Variants in VSIG10L observed in about 807,000 individuals in gnomAD.
The protein encoded by VSIG10L is V-set and immunoglobulin domain-containing protein 10-like.
Under a neutral mutation model 67.3 loss-of-function variants are expected in VSIG10L, and 63 were observed. That is an observed-to-expected ratio of 0.94 (90% CI 0.76 to 1.15). The LOEUF (loss-of-function observed/expected upper bound fraction) is 1.15, where lower values mean the gene tolerates loss of function less well. VSIG10L is among the 50% of genes most tolerant of loss of function. The pLI, the probability that VSIG10L is intolerant of heterozygous loss-of-function variation, is 0.00. For synonymous variants in VSIG10L, 499 were observed against 524.9 expected (o/e 0.95, Z 0.67); for missense variants, 1,050 against 1,177.5 (o/e 0.89, Z 1.58).
At chr19:51,338,775 G>T in intron 5 of VSIG10L, 113 bp downstream of exon 5, 1 of 1,190,530 alleles carries the variant, frequency 8.4e-7, no homozygotes, top group South Asian at 3.2e-5. Flanking sequence ...GTGAAGTCCT[G>T]CCTCTTTCTT....
rs573609316 is a variant in VSIG10L, at chr19:51,336,885, G to A, written c.2305+353C>T. Among the ~76,000 whole-genome samples the A allele has an allele frequency of 2.7e-5, 4 of 148,786 alleles. No individual in the cohort carries two copies. In the East Asian group the frequency reaches 8.3e-4, roughly 31 times the overall value. On this transcript the variant is annotated intron_variant, in intron 7 of 9. Coordinates refer to ENST00000335624, the MANE Select transcript of VSIG10L (RefSeq NM_001163922.3). ...GGGTTCGCGCCATTCTCCTGCCTCA[G>A]CCTCCCCAGTAGCTGGGACTACAGG...
Position 51,340,184 on chromosome 19 carries a change from G to T in VSIG10L, c.1305C>A (p.Pro435=). ...CCGCCAGGCTCCACGTGATGTCGGC[G>T]GGCGGCCGCGAGGCGGCGGCGCAGC... ...TLRCAAASRP[P]ADITWSLADP... is the part of the protein sequence containing the mutation. The change falls in exon 4 of 10, where the codon CCC becomes CCA. Residue 435 remains proline (P), a synonymous_variant. Transcript: ENST00000335624. This position sits in a 1 kb window ranked among gnomAD's most constrained non-coding sequence, Gnocchi z 6.3. The T allele has an allele frequency of 6.9e-7, 1 of 1,442,218 alleles. No individual in the cohort carries two copies. The allele number at this position is 1,442,218 out of a possible 1,614,324, so 89.3% of individuals were successfully genotyped here.
At chr19:51,333,617 T>C (rs1274092329) in intron 9 of VSIG10L, among the ~76,000 whole-genome samples, 174 bp downstream of exon 9, 1 of 152,124 alleles carries the variant, frequency 6.6e-6, no homozygotes, top group African/African-American at 2.4e-5. Flanking sequence ...TACATCAAAG[T>C]TGGGCGGGAA....
In VSIG10L at chr19:51,338,266, C is replaced by G. The variant is rs987590929; in HGVS notation, c.1730-58G>C. 1.0e-5 allele frequency: 15 copies of G among 1,439,870 alleles called. No individual in the cohort carries two copies. The African/African-American group carries it at 1.7e-4, about 17-fold the overall frequency. The allele number at this position is 1,439,870 out of a possible 1,614,324, so 89.2% of individuals were successfully genotyped here. On this transcript the variant is annotated intron_variant, in intron 5 of 9. Transcript: ENST00000335624. ...AAGACCTTACCTTGGATTCAAAGAA[C>G]AGATCCTATGCCCTACTTTAAATCA...
chr19:51,334,274 C>T lies in VSIG10L; in HGVS notation c.2336G>A (p.Gly779Asp), dbSNP rs1985429879. ...GCCCAGCAGGGAGCCCAGGACGATG[C>T]CAGCGATGGCCCCATGGCTCAACGT... ...GPTLSHGAIA[G>D]IVLGSLLGLA... The change falls in exon 8 of 10, where the codon GGC (glycine) becomes GAC (aspartate). Residue 779 changes from glycine to aspartate, a missense_variant. This residue lies in a region of VSIG10L where 529 missense variants were observed against 584.9 expected (regional missense o/e 0.90). Coordinates refer to ENST00000335624, the MANE Select transcript of VSIG10L (RefSeq NM_001163922.3). 6.4e-7 allele frequency: 1 copy of T among 1,551,660 alleles called. No homozygotes were observed. Among genetic ancestry groups the T allele is most frequent in the Middle Eastern group, 1.7e-4 (1 of 5,990 alleles).
chr19:51,342,053 C>T lies in VSIG10L; in HGVS notation c.40+32G>A. ...CATTGGGGGAGGCTGCTGAGGGAGACTGACAGGGAAGGGACTGAGCAGGGA... is the reference window on the plus strand; with the variant it reads ...CATTGGGGGAGGCTGCTGAGGGAGATTGACAGGGAAGGGACTGAGCAGGGA... On this transcript the variant is annotated intron_variant, in intron 1 of 9. Transcript: ENST00000335624. This position sits in a 1 kb window ranked among gnomAD's most constrained non-coding sequence, Gnocchi z 4.4. 3 of 1,551,732 alleles carry T rather than the reference C, an allele frequency of 1.9e-6. No individual in the cohort carries two copies. The highest frequency in any genetic ancestry group is 1.4e-5 in the African/African-American group (1 of 73,142).
rs920381936 is a variant in VSIG10L, at chr19:51,338,964, G to A, written c.1653C>T (p.His551=). The A allele has an allele frequency of 1.4e-6, 2 of 1,430,524 alleles. No homozygotes were observed. The highest frequency in any genetic ancestry group is 3.0e-5 in the East Asian group (1 of 33,212). 88.6% of individuals were successfully genotyped at this position (1,430,524 alleles called of 1,614,324 possible). ...SSVLLAAVPA[H]PRLSGVPITC... ...TGATGGGGACGCCGCTGAGCCGGGG[G>A]TGGGCGGGGACGGCCGCCAGCAGCA... The change falls in exon 5 of 10, where the codon CAC becomes CAT. Residue 551 remains histidine (H), a synonymous_variant. Transcript: ENST00000335624.
At position 51,339,160 on chromosome 19, in the gene VSIG10L, A is replaced by G; in HGVS notation, c.1475-18T>C. On this transcript the variant is annotated intron_variant, in intron 4 of 9. Transcript: ENST00000335624. The stretch of plus-strand genomic sequence containing the variant: ...GGGCAGGTCTGCGGAGAGAAGGGAG[A>G]GAATGAAGATGGAGTCCCTTTCTCA... The G allele has an allele frequency of 7.8e-7, 1 of 1,280,098 alleles. No individual in the cohort carries two copies. The highest frequency in any genetic ancestry group is 1.0e-6 in the Non-Finnish European group (1 of 1,004,626). The allele number at this position is 1,280,098 out of a possible 1,614,324, so 79.3% of individuals were successfully genotyped here.
chr19:51,337,550 G>A lies in VSIG10L; in HGVS notation c.2009-16C>T, dbSNP rs2123553480. On this transcript the variant is annotated splice_polypyrimidine_tract_variant and intron_variant, in intron 6 of 9. Coordinates refer to ENST00000335624, the MANE Select transcript of VSIG10L (RefSeq NM_001163922.3). ...ATGGAGGGTCCTAGAGGGATGTGGG[G>A]GTGGCTGGATTCTTGGGTGCCAGAG... 1.3e-6 allele frequency: 2 copies of A among 1,501,758 alleles called. No individual in the cohort carries two copies. Among genetic ancestry groups the A allele is most frequent in the Non-Finnish European group, 1.8e-6 (2 of 1,115,258 alleles). The allele number at this position is 1,501,758 out of a possible 1,614,324, so 93.0% of individuals were successfully genotyped here.
chr19:51,332,734 C>A, intron 9 of VSIG10L, 94 bp from the exon 10 acceptor site: 1 of 1,257,248 alleles, frequency 8.0e-7, no homozygotes, highest in Non-Finnish European at 1.1e-6. Context: ...CTTGCTTGAA[C>A]TTTTTAGAGA....
In VSIG10L at chr19:51,334,300, G is replaced by A; in HGVS notation, c.2310C>T (p.Pro770=). Reference sequence around the variant, plus strand: ...CAGCGATGGCCCCATGGCTCAACGTGGGGCCTGGAAGAGACAAAGAGAAGA... The same window carrying A: ...CAGCGATGGCCCCATGGCTCAACGTAGGGCCTGGAAGAGACAAAGAGAAGA... ...PSQSRVYRAG[P]TLSHGAIAGI... Residue 770 remains proline (P), a synonymous_variant, in exon 8 of 10, where the codon CCC becomes CCT. Coordinates refer to ENST00000335624, the MANE Select transcript of VSIG10L (RefSeq NM_001163922.3). 1 of 1,551,484 alleles carries A rather than the reference G, an allele frequency of 6.4e-7. No individual in the cohort carries two copies. Among genetic ancestry groups the A allele is most frequent in the Non-Finnish European group, 8.7e-7 (1 of 1,146,870 alleles).
intron 9 of VSIG10L, among the ~76,000 whole-genome samples, 152 bp from the exon 10 acceptor site, chr19:51,332,792 A>G (rs1485763300): frequency 6.6e-6 from 1 of 152,188 alleles, no homozygotes; most frequent in Non-Finnish European, 1.5e-5. Flanking sequence ...ATGCCTGGCT[A>G]TCCTTGGTGG....
rs1002082188 is a variant in VSIG10L, at chr19:51,332,062, G to A, written c.*549C>T. 6.3e-6 allele frequency: 1 copy of A among 158,166 alleles called. No individual in the cohort carries two copies. Among genetic ancestry groups the A allele is most frequent in the African/African-American group, 2.4e-5 (1 of 41,510 alleles). The allele number at this position is 158,166 out of a possible 1,614,324, so 9.8% of individuals were successfully genotyped here. Reference sequence around the variant, plus strand: ...GGGGGCAGAGAAAGAATTGGGAGGGGAGGTCAGGGAGGCCAACAGAGGCCA... The same window carrying A: ...GGGGGCAGAGAAAGAATTGGGAGGGAAGGTCAGGGAGGCCAACAGAGGCCA... On this transcript the variant is annotated 3_prime_UTR_variant, in exon 10 of 10. Coordinates refer to ENST00000335624, the MANE Select transcript of VSIG10L (RefSeq NM_001163922.3).
At chr19:51,337,607 C>T in intron 6 of VSIG10L, 73 bp from the exon 7 acceptor site, 1 of 991,602 alleles carries the variant, frequency 1.0e-6, no homozygotes, top group Non-Finnish European at 1.3e-6. Flanking sequence ...GGGCTGGGCT[C>T]CTGGGTCTGA....
At chr19:51,334,847 A>AAGG (rs57147493) in intron 7 of VSIG10L, among the ~76,000 whole-genome samples, 2 of 13,250 alleles carry the variant, frequency 1.5e-4, no homozygotes, top group African/African-American at 6.3e-3. Flanking sequence ...AGACTGAGGC[A>AAGG]AGATCACCTG....
At chr19:51,339,895 T>G in intron 4 of VSIG10L, 120 bp downstream of exon 4, 10 of 714,480 alleles carry the variant, frequency 1.4e-5, no homozygotes, top group African/African-American at 2.0e-5. Flanking sequence ...CCGCTGGCCC[T>G]GCCCCACCCA....
chr19:51,338,899 G>T lies in VSIG10L; in HGVS notation c.1718C>A (p.Thr573Lys). The change falls in exon 5 of 10, where the codon ACA becomes AAA. Residue 573 changes from threonine (T) to lysine (K), a missense_variant. Physicochemically the swap from Thr to Lys is moderately conservative, Grantham distance 78 (BLOSUM62 -1). Coordinates refer to ENST00000335624, the MANE Select transcript of VSIG10L (RefSeq NM_001163922.3). ...CCGCGCCCTCTCACCCGGCGTGACT[G>T]TGCAGGTACGCGTGGCCACCAGGTG... is the stretch of plus-strand genomic sequence containing the variant. ...ARHLVATRTC[T>K]VTPEAPREVL... The T allele has an allele frequency of 7.0e-7, 1 of 1,434,386 alleles. No homozygotes were observed. The highest frequency in any genetic ancestry group is 1.4e-5 in the South Asian group (1 of 69,502). 88.9% of individuals were successfully genotyped at this position (1,434,386 alleles called of 1,614,324 possible).
At chr19:51,341,052 C>T (rs1050810093) in intron 2 of VSIG10L, 101 bp downstream of exon 2, 1 of 1,414,938 alleles carries the variant, frequency 7.1e-7, no homozygotes, top group Non-Finnish European at 9.3e-7. Context: ...CAGAAGTCCT[C>T]TTCTCCTATC....
Position 51,334,296 on chromosome 19 carries a change from A to G in VSIG10L, c.2314T>C (p.Leu772=). Residue 772 remains leucine, a synonymous_variant, in exon 8 of 10, where the codon TTG becomes CTG. Coordinates refer to ENST00000335624, the MANE Select transcript of VSIG10L (RefSeq NM_001163922.3). ...QSRVYRAGPT[L]SHGAIAGIVL... is the part of the protein sequence containing the mutation. ...ATGCCAGCGATGGCCCCATGGCTCA[A>G]CGTGGGGCCTGGAAGAGACAAAGAG... is the stretch of plus-strand genomic sequence containing the variant. The G allele has an allele frequency of 6.4e-7, 1 of 1,551,488 alleles. No individual in the cohort carries two copies. Among genetic ancestry groups the G allele is most frequent in the South Asian group, 1.2e-5 (1 of 84,044 alleles).
Sources: allele counts gnomAD v4.1 joint callset (sites outside exome capture counted in the v4.1 genomes callset), GRCh38; gene constraint gnomAD v4.1.1; regional missense constraint gnomAD v4.1.1; non-coding constraint Gnocchi (gnomAD v3.1); transcripts MANE v1.5; gene names NCBI Gene and HGNC (gene_info 2026-07-23, HGNC 2026-07-21).